The following ACOXL variants were observed in gnomAD, a reference collection of about 807,000 sequenced individuals.
The protein encoded by ACOXL is acyl-CoA oxidase like, also known as acyl-coenzyme A oxidase-like protein.
ACOXL carries 70 observed loss-of-function variants against 71.9 expected under a neutral mutation model. The observed-to-expected ratio is 0.97, with a 90% confidence interval of 0.80 to 1.19. The LOEUF is 1.19. ACOXL is among the 50% of genes most tolerant of loss of function. ACOXL has a pLI of 0.00. For missense variants in ACOXL, 703 were observed against 736.3 expected (o/e 0.95, Z 0.52); for synonymous variants, 253 against 281.6 (o/e 0.90, Z 1.02).
At chr2:110,735,219 T>G (rs1224365351) in intron 1 of ACOXL, among the ~76,000 whole-genome samples, 2 of 152,214 alleles carry the variant, frequency 1.3e-5, no homozygotes, top group Admixed American at 1.3e-4. Context: ...CCTTAGCCCA[T>G]GTTAGAAGAT....
At position 110,938,243 on chromosome 2, in the gene ACOXL, A is replaced by C. The variant is rs2060737497; in HGVS notation, c.1059+4601A>C. On this transcript the variant is annotated intron_variant, in intron 12 of 17. Transcript: ENST00000439055. ...GGGTGTGGGAGTCTGTGGTGCACTG[A>C]GGGACACCATGACAGGCATGGGCTG... 2.0e-5 allele frequency among the ~76,000 whole-genome samples: 3 copies of C among 152,250 alleles called. No individual in the cohort carries two copies. The South Asian group carries it at 6.2e-4, about 32-fold the overall frequency.
intron 7 of ACOXL, among the ~76,000 whole-genome samples, chr2:110,800,164 G>A (rs1484658862): frequency 2.6e-5 from 4 of 152,096 alleles, no homozygotes; most frequent in East Asian, 3.8e-4. Flanking sequence ...TCACTCTTTC[G>A]GTCTGTGCCA....
intron 12 of ACOXL, among the ~76,000 whole-genome samples, chr2:110,943,160 A>T: frequency 9.3e-6 from 1 of 107,256 alleles, no homozygotes; most frequent in East Asian, 3.2e-4. Context: ...GAGAAAGAAA[A>T]AGAAAAAGGG....
intron 16 of ACOXL, among the ~76,000 whole-genome samples, chr2:111,091,970 G>A (rs1574735736): frequency 6.6e-6 from 1 of 152,176 alleles, no homozygotes; most frequent in South Asian, 2.1e-4. Flanking sequence ...CTTCTAGTGG[G>A]AAGATCATTT....
chr2:110,962,479 A>G (rs1037303334), intron 12 of ACOXL, among the ~76,000 whole-genome samples: 1 of 152,260 alleles, frequency 6.6e-6, no homozygotes, highest in African/African-American at 2.4e-5. Context: ...TGTAAACTGC[A>G]GGTGGTAACA....
At chr2:110,836,465 G>T (rs993802463) in intron 9 of ACOXL, among the ~76,000 whole-genome samples, 1 of 151,910 alleles carries the variant, frequency 6.6e-6, no homozygotes, top group Non-Finnish European at 1.5e-5. Context: ...TTCTGTGCCT[G>T]CCTGGCCCTG....
intron 15 of ACOXL, among the ~76,000 whole-genome samples, chr2:111,047,238 T>C (rs2066060295): frequency 6.6e-6 from 1 of 152,194 alleles, no homozygotes; most frequent in Non-Finnish European, 1.5e-5. Context: ...GCTATGTCTA[T>C]GATAACGAAA....
At chr2:111,097,853 C>T (rs1484395938) in intron 17 of ACOXL, among the ~76,000 whole-genome samples, 1 of 152,240 alleles carries the variant, frequency 6.6e-6, no homozygotes, top group Non-Finnish European at 1.5e-5. Flanking sequence ...ATCTTCCTTG[C>T]AGAAGAATCC....
At chr2:110,845,780 G>C (rs1691763031) in intron 10 of ACOXL, among the ~76,000 whole-genome samples, 1 of 152,118 alleles carries the variant, frequency 6.6e-6, no homozygotes, top group African/African-American at 2.4e-5. Flanking sequence ...CCCTTCTGTG[G>C]GATAATATTC....
chr2:110,801,526 A>C (rs1685993753), intron 7 of ACOXL, 126 bp from the exon 8 acceptor site: 1 of 788,786 alleles, frequency 1.3e-6, no homozygotes, highest in Non-Finnish European at 2.1e-6. Flanking sequence ...TCCACCCCCA[A>C]GGAAAAAGCA....
intron 1 of ACOXL, among the ~76,000 whole-genome samples, chr2:110,762,366 A>G (rs562609122): frequency 3.3e-5 from 5 of 152,286 alleles, no homozygotes; most frequent in African/African-American, 1.2e-4. Flanking sequence ...CAATGTTTAC[A>G]TCTGCCACTT....
chr2:111,007,437 CTT>C (rs1219124109), intron 14 of ACOXL, among the ~76,000 whole-genome samples: 4 of 152,130 alleles, frequency 2.6e-5, no homozygotes, highest in Admixed American at 6.5e-5. Context: ...TTAATTATGA[CTT>C]ATGTCAGCAT....
intron 8 of ACOXL, among the ~76,000 whole-genome samples, chr2:110,801,946 C>G (rs183108000): frequency 1.3e-5 from 2 of 152,204 alleles, no homozygotes; most frequent in Non-Finnish European, 2.9e-5. Context: ...GACTGTTACA[C>G]TTCAATATAC....
intron 12 of ACOXL, among the ~76,000 whole-genome samples, chr2:110,937,802 T>C (rs1237053368): frequency 3.3e-5 from 5 of 152,124 alleles, no homozygotes; most frequent in African/African-American, 1.2e-4. Context: ...CTGGGCATGA[T>C]TTTGGGCCAG....
At chr2:111,015,162 A>G (rs760457259) in intron 14 of ACOXL, among the ~76,000 whole-genome samples, 4 of 152,252 alleles carry the variant, frequency 2.6e-5, no homozygotes, top group East Asian at 1.9e-4. Context: ...AAAAGATATC[A>G]TTAAGAACAT....
At chr2:111,102,582 G>A (rs946125086) in intron 17 of ACOXL, among the ~76,000 whole-genome samples, 2 of 151,914 alleles carry the variant, frequency 1.3e-5, no homozygotes, top group South Asian at 4.2e-4. Flanking sequence ...CATACCCTCG[G>A]TCCAGGATGC....
chr2:110,945,554 T>C (rs958204272), intron 12 of ACOXL, among the ~76,000 whole-genome samples: 5 of 152,226 alleles, frequency 3.3e-5, no homozygotes, highest in African/African-American at 1.2e-4. Context: ...TCCAATCTTC[T>C]GCATATGGCT....
intron 17 of ACOXL, among the ~76,000 whole-genome samples, chr2:111,097,300 C>A (rs2150036615): frequency 6.6e-6 from 1 of 152,314 alleles, no homozygotes; most frequent in Non-Finnish European, 1.5e-5. Context: ...TATGACCCCA[C>A]AACAACCCGG....
At chr2:111,025,949 A>T (rs549864455) in intron 14 of ACOXL, among the ~76,000 whole-genome samples, 83 of 152,292 alleles carry the variant, frequency 5.5e-4, no homozygotes, top group African/African-American at 2.0e-3. Flanking sequence ...GTAAAGGATA[A>T]GGTTCATTTA....
Sources: allele counts gnomAD v4.1 joint callset (sites outside exome capture counted in the v4.1 genomes callset), GRCh38; gene constraint gnomAD v4.1.1; transcripts MANE v1.5; gene names NCBI Gene and HGNC (gene_info 2026-07-23, HGNC 2026-07-21).